Variants in RANBP9 observed in about 807,000 individuals in gnomAD.
RANBP9 encodes ran-binding protein 9.
A neutral mutation model predicts 84.3 loss-of-function variants in RANBP9; 15 were observed. That is an observed-to-expected ratio of 0.18 (90% CI 0.12 to 0.27). RANBP9 has a LOEUF of 0.27. RANBP9 is among the 10% of genes least tolerant of loss of function. RANBP9 has a pLI of 1.00. For missense variants in RANBP9, 809 were observed against 912.8 expected (o/e 0.89, Z 1.46); for synonymous variants, 392 against 349.6 (o/e 1.12, Z -1.35).
At chr6:13,677,451 CAGTA>C (rs1412899152) in intron 2 of RANBP9, among the ~76,000 whole-genome samples, 2 of 152,084 alleles carry the variant, frequency 1.3e-5, no homozygotes, top group Non-Finnish European at 2.9e-5. Flanking sequence ...GTTACTGACA[CAGTA>C]AGAGGGATCT....
intron 2 of RANBP9, among the ~76,000 whole-genome samples, chr6:13,681,266 G>T (rs1438646421): frequency 2.0e-5 from 3 of 152,076 alleles, no homozygotes; most frequent in Non-Finnish European, 4.4e-5. Flanking sequence ...TTGGGGGTGG[G>T]AGGAGGGTTT....
intron 2 of RANBP9, among the ~76,000 whole-genome samples, chr6:13,661,637 T>C (rs1765540428): frequency 6.6e-6 from 1 of 151,974 alleles, no homozygotes; most frequent in Non-Finnish European, 1.5e-5. Flanking sequence ...GAAAAAAACA[T>C]AATCACTAAG....
Position 13,622,440 on chromosome 6 carries a change from G to C in RANBP9, c.2112C>G (p.Ala704=). The C allele has an allele frequency of 6.2e-7, 1 of 1,603,312 alleles. No individual in the cohort carries two copies. Among genetic ancestry groups the C allele is most frequent in the Non-Finnish European group, 8.5e-7 (1 of 1,175,088 alleles). The change falls in exon 14 of 14, where the codon GCC becomes GCG. Residue 704 remains alanine (A), a synonymous_variant. Coordinates refer to ENST00000011619, the MANE Select transcript of RANBP9 (RefSeq NM_005493.3). ...GAGCCATCAGTCCTAGACATTGTGT[G>C]GCCTGTCCCATTGCTAGGGCAAGTG... ...QPPLALAMGQ[A]TQCLGLMARS...
intron 2 of RANBP9, among the ~76,000 whole-genome samples, chr6:13,687,155 G>C (rs942356591): frequency 9.2e-5 from 14 of 151,950 alleles, no homozygotes; most frequent in Admixed American, 2.6e-4. Flanking sequence ...TTACATACTT[G>C]GGTGATCCTA....
intron 5 of RANBP9, among the ~76,000 whole-genome samples, chr6:13,645,221 T>C (rs1014434167): frequency 6.6e-6 from 1 of 152,104 alleles, no homozygotes. Context: ...TTCTGTATAT[T>C]TGGGATGCCT....
intron 4 of RANBP9, among the ~76,000 whole-genome samples, chr6:13,655,530 C>A (rs1198093084): frequency 6.6e-6 from 1 of 151,998 alleles, no homozygotes; most frequent in African/African-American, 2.4e-5. Context: ...TTATTAGGTG[C>A]ACCTTTTTAA....
intron 4 of RANBP9, among the ~76,000 whole-genome samples, chr6:13,656,628 T>C (rs1414573004): frequency 4.6e-5 from 7 of 152,166 alleles, no homozygotes; most frequent in Admixed American, 3.3e-4. Context: ...AACAAACTTG[T>C]AGTTACCAAC....
chr6:13,692,022 AG>A (rs1766332201), intron 2 of RANBP9, among the ~76,000 whole-genome samples: 1 of 152,198 alleles, frequency 6.6e-6, no homozygotes, highest in Non-Finnish European at 1.5e-5. Context: ...TGCAAACAAA[AG>A]GTTCCTAACA....
In RANBP9 at chr6:13,711,663, G is replaced by A; in HGVS notation, c.-158C>T. The A allele has an allele frequency of 1.9e-6, 1 of 529,636 alleles. No individual in the cohort carries two copies. Among genetic ancestry groups the A allele is most frequent in the Non-Finnish European group, 2.7e-6 (1 of 367,390 alleles). 32.8% of individuals were successfully genotyped at this position (529,636 alleles called of 1,614,324 possible). ...CGCGCCCAGGGAGACCGCGGCGGTT[G>A]AGGAGCTCGGAGACGCGGGAGTAGG... On this transcript the variant is annotated 5_prime_UTR_variant, in exon 1 of 14. Transcript: ENST00000011619.
rs557517566 is a variant in RANBP9, at chr6:13,631,011, G to A, written c.1947+1359C>T. Among the ~76,000 whole-genome samples, 144 of 152,062 alleles carry A rather than the reference G, an allele frequency of 9.5e-4. 4 individuals are homozygous for A. The South Asian group carries it at 0.015, about 16-fold the overall frequency. On this transcript the variant is annotated intron_variant, in intron 12 of 13. Transcript: ENST00000011619. The stretch of plus-strand genomic sequence containing the variant: ...TTTTTAGTAGAGACGGGGTTTCACC[G>A]TGTTAGCAGGATGGTCTCAATCTCT...
chr6:13,639,817 C>T (rs1367713891), intron 8 of RANBP9, 64 bp from the exon 9 acceptor site: 2 of 1,325,682 alleles, frequency 1.5e-6, no homozygotes, highest in East Asian at 2.4e-5. Flanking sequence ...TTAATAGCAA[C>T]AGATTTCTAA....
intron 2 of RANBP9, among the ~76,000 whole-genome samples, chr6:13,684,778 C>T (rs1389433742): frequency 1.3e-5 from 2 of 152,092 alleles, no homozygotes; most frequent in Admixed American, 1.3e-4. Flanking sequence ...TGATTAAATG[C>T]TATGAAGGGG....
chr6:13,692,626 CG>C (rs1766354366), intron 2 of RANBP9, among the ~76,000 whole-genome samples: 2 of 148,966 alleles, frequency 1.3e-5, no homozygotes, highest in South Asian at 4.3e-4. Context: ...CAGAGGCAGG[CG>C]GATCACCTGA....
intron 1 of RANBP9, among the ~76,000 whole-genome samples, chr6:13,710,538 C>T (rs1186898582): frequency 6.6e-6 from 1 of 152,056 alleles, no homozygotes. Flanking sequence ...AAGAGGAGAA[C>T]GCCTGACCCA....
At chr6:13,630,685 C>G (rs1397286386) in intron 12 of RANBP9, among the ~76,000 whole-genome samples, 1 of 152,126 alleles carries the variant, frequency 6.6e-6, no homozygotes, top group Non-Finnish European at 1.5e-5. Context: ...TTCATTTCCT[C>G]TGACTATATA....
intron 2 of RANBP9, among the ~76,000 whole-genome samples, chr6:13,695,480 A>G (rs572592224): frequency 6.7e-5 from 10 of 150,038 alleles, no homozygotes; most frequent in Middle Eastern, 6.9e-3. Context: ...ATTCAAATGC[A>G]AACATTTGGT....
At chr6:13,666,092 A>G (rs1380352526) in intron 2 of RANBP9, among the ~76,000 whole-genome samples, 1 of 152,132 alleles carries the variant, frequency 6.6e-6, no homozygotes, top group Admixed American at 6.6e-5. Context: ...AGTACACTTA[A>G]GATGTGTGCA....
chr6:13,665,861 AG>A (rs1181690016), intron 2 of RANBP9, among the ~76,000 whole-genome samples: 1 of 152,230 alleles, frequency 6.6e-6, no homozygotes, highest in Non-Finnish European at 1.5e-5. Context: ...TTTACATACA[AG>A]AAGAGCATAT....
intron 13 of RANBP9, among the ~76,000 whole-genome samples, chr6:13,624,577 AC>A (rs1454378040): frequency 1.3e-5 from 2 of 152,162 alleles, no homozygotes; most frequent in Admixed American, 1.3e-4. Flanking sequence ...TAAACAATCG[AC>A]CCTATCACAT....
Sources: gnomAD v4.1 joint callset for allele counts (sites outside exome capture counted in the v4.1 genomes callset) on GRCh38, gnomAD v4.1.1 for gene constraint, MANE v1.5 for transcripts, NCBI Gene and HGNC (gene_info 2026-07-23, HGNC 2026-07-21) for gene names.